ADAM12: variants seen among roughly 807,000 people sequenced by gnomAD.
ADAM12 encodes ADAM metallopeptidase domain 12, also known as disintegrin and metalloproteinase domain-containing protein 12.
Under a neutral mutation model 106.4 loss-of-function variants are expected in ADAM12, and 70 were observed. That is an observed-to-expected ratio of 0.66 (90% CI 0.54 to 0.80). The LOEUF is 0.80. ADAM12 is among the 30% of genes least tolerant of loss of function. The pLI is 0.00. For synonymous variants in ADAM12, 420 were observed against 433.5 expected, an observed-to-expected ratio of 0.97 and a Z score of 0.39; for missense variants, 1,010 against 1,171.9, an observed-to-expected ratio of 0.86 and a Z score of 2.02.
At chr10:126,386,335 G>A (rs536565355) in intron 1 of ADAM12, among the ~76,000 whole-genome samples, 1 of 152,290 alleles carries the variant, frequency 6.6e-6, no homozygotes, top group Non-Finnish European at 1.5e-5. Flanking sequence ...GACTCAACAG[G>A]TAGTAATTCC....
chr10:126,115,746 C>A (rs540451227), intron 6 of ADAM12, among the ~76,000 whole-genome samples: 219 of 152,212 alleles, frequency 1.4e-3, no homozygotes, highest in African/African-American at 4.9e-3. Flanking sequence ...TAGTTAGCAG[C>A]CTTTCTATTG....
rs544865874 is a variant in ADAM12 at position 126,133,891 on chromosome 10, C to T, written c.416+1693G>A. On this transcript the variant is annotated intron_variant, in intron 5 of 22. Transcript: ENST00000448723. ...CTAAAGGGCTCACCTCACCTCCTTC[C>T]GAACCTCCCTGACTACCTGTTGCCT... 2.4e-4 allele frequency among the ~76,000 whole-genome samples: 37 copies of T among 152,288 alleles called. No homozygotes were observed. In the South Asian group the frequency reaches 3.9e-3, roughly 16 times the overall value.
chr10:126,333,835 A>C (rs559554703), intron 1 of ADAM12, among the ~76,000 whole-genome samples: 22 of 152,340 alleles, frequency 1.4e-4, no homozygotes, highest in Admixed American at 5.9e-4. Context: ...AAGAGGCTTT[A>C]TTTCCAAATA....
At chr10:126,215,185 G>A (rs1448172260) in intron 3 of ADAM12, among the ~76,000 whole-genome samples, 1 of 152,186 alleles carries the variant, frequency 6.6e-6, no homozygotes, top group Non-Finnish European at 1.5e-5. Context: ...GTCCAAACCA[G>A]CTCTGCTCCT....
chr10:126,071,740 T>C (rs2290841), intron 11 of ADAM12, 86 bp from the exon 12 acceptor site: 300,270 of 1,447,538 alleles, frequency 0.21, 33,244 homozygotes, highest in South Asian at 0.26. Context: ...AGGCACCCAC[T>C]GGCCACATCT....
intron 11 of ADAM12, among the ~76,000 whole-genome samples, chr10:126,086,454 TCA>T (rs1231946371): frequency 6.7e-6 from 1 of 149,872 alleles, no homozygotes; most frequent in Non-Finnish European, 1.5e-5. Flanking sequence ...GGCAGGTGGA[TCA>T]CTCGAGGCCA....
At chr10:126,147,045 G>T (rs1411245254) in intron 4 of ADAM12, among the ~76,000 whole-genome samples, 1 of 152,150 alleles carries the variant, frequency 6.6e-6, no homozygotes. Flanking sequence ...TAGTTGCCAT[G>T]GAAATGAATG....
In ADAM12 at chr10:126,248,025, G is replaced by T. The variant is rs1479130794; in HGVS notation, c.260+30890C>A. 2.6e-5 allele frequency among the ~76,000 whole-genome samples: 4 copies of T among 152,174 alleles called. 1 individual carries two copies. Among genetic ancestry groups the T allele is most frequent in the Non-Finnish European group, 5.9e-5 (4 of 68,036 alleles). On this transcript the variant is annotated intron_variant, in intron 3 of 22. Coordinates refer to ENST00000448723, the MANE Select transcript of ADAM12 (RefSeq NM_001288973.2). Reference sequence around the variant, plus strand: ...TGCTGTTGGAAGATTGCTGGAGAAGGTATCAGATGTGGGTTCAAGTCTCTG... The same window carrying T: ...TGCTGTTGGAAGATTGCTGGAGAAGTTATCAGATGTGGGTTCAAGTCTCTG...
chr10:126,284,119 G>A (rs1959725341), intron 2 of ADAM12, among the ~76,000 whole-genome samples: 1 of 152,036 alleles, frequency 6.6e-6, no homozygotes, highest in African/African-American at 2.4e-5. Flanking sequence ...GATCATCTGA[G>A]GTCAGGCCTT....
chr10:126,330,868 G>A (rs1169377310), intron 1 of ADAM12, among the ~76,000 whole-genome samples: 2 of 152,126 alleles, frequency 1.3e-5, no homozygotes, highest in Non-Finnish European at 2.9e-5. Flanking sequence ...GATCTGCTCT[G>A]TATTAAAAGT....
intron 3 of ADAM12, among the ~76,000 whole-genome samples, chr10:126,221,918 C>A: frequency 6.6e-6 from 1 of 152,220 alleles, no homozygotes. Context: ...TCTAAACCAC[C>A]AAACTGTCAT....
rs1957563982 is a variant in ADAM12 at position 126,194,593 on chromosome 10, G to A, written c.261-39288C>T. ...AGAATAAAATGAAATATAAATGTAT[G>A]TGTATAACACACCAATCAAAACAAA... is the stretch of plus-strand genomic sequence containing the variant. On this transcript the variant is annotated intron_variant, in intron 3 of 22. Coordinates refer to ENST00000448723, the MANE Select transcript of ADAM12 (RefSeq NM_001288973.2). Among the ~76,000 whole-genome samples, 4 of 152,322 alleles carry A rather than the reference G, an allele frequency of 2.6e-5. No individual in the cohort carries two copies. The South Asian group carries it at 8.3e-4, about 32-fold the overall frequency.
At chr10:126,257,705 G>A (rs1284826859) in intron 3 of ADAM12, among the ~76,000 whole-genome samples, 3 of 152,124 alleles carry the variant, frequency 2.0e-5, no homozygotes, top group Non-Finnish European at 4.4e-5. Flanking sequence ...GTGGAGATGG[G>A]CAAGGAAATA....
Position 126,303,805 on chromosome 10 carries a change from G to A in ADAM12, c.187-24817C>T, listed in dbSNP as rs111713946. Among the ~76,000 whole-genome samples the A allele has an allele frequency of 3.9e-5, 6 of 152,192 alleles. 1 individual carries two copies. The highest frequency in any genetic ancestry group is 1.2e-4 in the African/African-American group (5 of 41,502). On this transcript the variant is annotated intron_variant, in intron 2 of 22. Coordinates refer to ENST00000448723, the MANE Select transcript of ADAM12 (RefSeq NM_001288973.2). ...ATGCCTCACCTTGTTTGTCCTAATT[G>A]TGAGAACACCATCATATTATACACC...
intron 1 of ADAM12, among the ~76,000 whole-genome samples, chr10:126,359,367 C>T (rs764617809): frequency 2.0e-5 from 3 of 152,088 alleles, no homozygotes; most frequent in Admixed American, 1.3e-4. Context: ...AAGTCTCATC[C>T]GAGACAAGGC....
intron 3 of ADAM12, among the ~76,000 whole-genome samples, chr10:126,174,330 T>C (rs1314779648): frequency 6.6e-6 from 1 of 152,058 alleles, no homozygotes; most frequent in African/African-American, 2.4e-5. Flanking sequence ...GATATTCTCC[T>C]ACGCATCATG....
rs186337114 is a variant in ADAM12 at position 126,136,954 on chromosome 10, T to A, written c.340-1294A>T. 4.3e-3 allele frequency among the ~76,000 whole-genome samples: 656 copies of A among 152,326 alleles called. 6 individuals carry two copies. The highest frequency in any genetic ancestry group is 7.7e-3 in the South Asian group (37 of 4,818). ...GGTATTTTTTGTTCAGAGTTTCCAG[T>A]GTATATCAATCTAAATGCATTTGTC... On this transcript the variant is annotated intron_variant, in intron 4 of 22. Coordinates refer to ENST00000448723, the MANE Select transcript of ADAM12 (RefSeq NM_001288973.2).
At chr10:126,355,877 C>T (rs899034219) in intron 1 of ADAM12, among the ~76,000 whole-genome samples, 2 of 152,296 alleles carry the variant, frequency 1.3e-5, no homozygotes, top group African/African-American at 4.8e-5. Flanking sequence ...CAGCATAGCA[C>T]ACCTGCAAAG....
intron 2 of ADAM12, among the ~76,000 whole-genome samples, chr10:126,295,747 C>A (rs1040709135): frequency 2.0e-5 from 3 of 152,102 alleles, no homozygotes; most frequent in African/African-American, 7.2e-5. Context: ...TATGCCTGGA[C>A]TTTTTGGTGG....
Sources: gnomAD v4.1 joint callset for allele counts (sites outside exome capture counted in the v4.1 genomes callset) on GRCh38, gnomAD v4.1.1 for gene constraint, MANE v1.5 for transcripts, NCBI Gene and HGNC (gene_info 2026-07-23, HGNC 2026-07-21) for gene names.